The following USP6 variants were observed in gnomAD, a reference collection of about 807,000 sequenced individuals.
The protein encoded by USP6 is ubiquitin specific peptidase 6, also known as ubiquitin carboxyl-terminal hydrolase 6.
Under a neutral mutation model 175.7 loss-of-function variants are expected in USP6, and 128 were observed. The ratio of observed to expected loss-of-function variants is 0.73; its 90% CI spans 0.63 to 0.84. The LOEUF (loss-of-function observed/expected upper bound fraction) is 0.84. Ranked by LOEUF, USP6 falls within the 40% of genes least tolerant of loss-of-function variation. The pLI is 0.00. For missense variants in USP6, 1,498 were observed against 1,760.3 expected (o/e 0.85, Z 2.67); for synonymous variants, 562 against 630.6 (o/e 0.89, Z 1.63).
chr17:5,171,571 C>T lies in USP6; in HGVS notation c.3955-16C>T, dbSNP rs745684827. 3.7e-6 allele frequency: 6 copies of T among 1,613,078 alleles called. No homozygotes were observed. Among genetic ancestry groups the T allele is most frequent in the Non-Finnish European group, 5.1e-6 (6 of 1,179,330 alleles). On this transcript the variant is annotated splice_polypyrimidine_tract_variant and intron_variant, in intron 36 of 37. Coordinates refer to ENST00000574788, the MANE Select transcript of USP6 (RefSeq NM_001304284.2). ...AGTTAACTACTAACATACCTCCACTCTCTTATCTCTTACAGTGCCATTCAG... is the reference window on the plus strand; with the variant it reads ...AGTTAACTACTAACATACCTCCACTTTCTTATCTCTTACAGTGCCATTCAG...
In USP6 at chr17:5,144,782, A is replaced by G; in HGVS notation, c.1911A>G (p.Glu637=). 1 of 1,613,844 alleles carries G rather than the reference A, an allele frequency of 6.2e-7. No individual in the cohort carries two copies. The highest frequency in any genetic ancestry group is 8.5e-7 in the Non-Finnish European group (1 of 1,179,796). Residue 637 remains glutamate, a synonymous_variant, in exon 26 of 38, where the codon GAA becomes GAG. Transcript: ENST00000574788. ...LLAFLLDGLH[E]DLNRVHEKPY... is the part of the protein sequence containing the mutation. ...CTTTTCTCTTGGATGGTCTTCATGA[A>G]GATCTCAACCGAGTCCATGAAAAGC...
At chr17:5,147,963 CT>C in intron 29 of USP6, among the ~76,000 whole-genome samples, 1 of 152,310 alleles carries the variant, frequency 6.6e-6, no homozygotes, top group East Asian at 1.9e-4. Flanking sequence ...TCACTGCAGC[CT>C]CTGCCTTATG....
chr17:5,136,775 C>T (rs749983860), intron 18 of USP6, 41 bp downstream of exon 18: 1 of 1,603,842 alleles, frequency 6.2e-7, no homozygotes, highest in East Asian at 2.2e-5. Context: ...GAGGCCCTGC[C>T]TCCTGTGGGG....
At chr17:5,168,631 T>C in intron 34 of USP6, 136 bp from the exon 35 acceptor site, 1 of 1,311,576 alleles carries the variant, frequency 7.6e-7, no homozygotes, top group Non-Finnish European at 1.0e-6. Context: ...ATTTTTGAAG[T>C]CTTTAAAAAA....
At chr17:5,130,747 G>A in intron 11 of USP6, 63 bp downstream of exon 11, 1 of 1,601,656 alleles carries the variant, frequency 6.2e-7, no homozygotes, top group Non-Finnish European at 8.6e-7. Flanking sequence ...GGATGGGTTT[G>A]CTTTTAGAAA....
At chr17:5,131,745 G>A (rs1260532164) in intron 11 of USP6, among the ~76,000 whole-genome samples, 1 of 151,654 alleles carries the variant, frequency 6.6e-6, no homozygotes, top group Admixed American at 6.6e-5. Context: ...GGTAAGAGGA[G>A]CCCAGCCAGG....
intron 31 of USP6, among the ~76,000 whole-genome samples, chr17:5,155,819 G>A (rs1448780683): frequency 1.3e-5 from 2 of 152,166 alleles, no homozygotes; most frequent in Admixed American, 1.3e-4. Context: ...CATTTGGCTT[G>A]ATATTTGGAG....
At chr17:5,130,544 C>G in intron 10 of USP6, 58 bp from the exon 11 acceptor site, 2 of 1,611,000 alleles carry the variant, frequency 1.2e-6, no homozygotes, top group South Asian at 2.2e-5. Context: ...GGCCAATACC[C>G]CCAGGCCCTT....
chr17:5,145,629 A>G, intron 27 of USP6, 50 bp downstream of exon 27: 1 of 1,518,054 alleles, frequency 6.6e-7, no homozygotes, highest in Non-Finnish European at 8.8e-7. Context: ...AATTTACTTT[A>G]TTTAAATAGC....
chr17:5,135,523 A>G (rs2073225040), intron 16 of USP6, among the ~76,000 whole-genome samples: 1 of 152,180 alleles, frequency 6.6e-6, no homozygotes, highest in Non-Finnish European at 1.5e-5. Context: ...CCTGACCACC[A>G]CTTCTCAGAA....
chr17:5,117,157 A>G (rs980804765), intron 1 of USP6, among the ~76,000 whole-genome samples: 5 of 152,246 alleles, frequency 3.3e-5, no homozygotes, highest in African/African-American at 1.2e-4. Context: ...TATAAGTTCC[A>G]TCAGGCCAGA....
chr17:5,147,050 C>T (rs1478824098), intron 28 of USP6, 33 bp from the exon 29 acceptor site: 1 of 1,576,288 alleles, frequency 6.3e-7, no homozygotes, highest in African/African-American at 1.4e-5. Context: ...TCTGAAACAT[C>T]TCCCCCTTCT....
At position 5,139,274 on chromosome 17, in the gene USP6, C is replaced by T; in HGVS notation, c.1098C>T (p.Ser366=). 1 of 1,603,980 alleles carries T rather than the reference C, an allele frequency of 6.2e-7. No individual in the cohort carries two copies. Among genetic ancestry groups the T allele is most frequent in the Non-Finnish European group, 8.5e-7 (1 of 1,179,994 alleles). Residue 366 remains serine (S), a synonymous_variant, in exon 22 of 38, where the codon TCC becomes TCT. Transcript: ENST00000574788. ...LPPPAKREQG[S]LAPRPVPASR... is the part of the protein sequence containing the mutation. ...TTTCAGCCAAACGCGAGCAAGGGTC[C>T]TTGGCACCCAGGCCTGTGCCGGCTT...
In USP6 at chr17:5,145,499, A is replaced by C; in HGVS notation, c.2087A>C (p.His696Pro). 1.2e-6 allele frequency: 2 copies of C among 1,613,106 alleles called. No homozygotes were observed. The highest frequency in any genetic ancestry group is 1.7e-4 in the Middle Eastern group (1 of 6,052). The change falls in exon 27 of 38, where the codon CAT (histidine) becomes CCT (proline). Residue 696 changes from histidine to proline, a missense_variant. This residue lies in a region of USP6 where 1,217 missense variants were observed against 1,500.8 expected (regional missense o/e 0.81). Transcript: ENST00000574788. ...CAAGTCAAATGCAAGACATGTGGGC[A>C]TATAAGTGTCCGATTTGACCCTTTC... ...RSQVKCKTCG[H>P]ISVRFDPFNF... is the part of the protein sequence containing the mutation.
chr17:5,148,680 C>T lies in USP6; in HGVS notation c.2556C>T (p.Asn852=). Residue 852 remains asparagine, a synonymous_variant, in exon 30 of 38, where the codon AAC becomes AAT. Coordinates refer to ENST00000574788, the MANE Select transcript of USP6 (RefSeq NM_001304284.2). The part of the protein sequence containing the change: ...NTVVPCGTEK[N]FTNGMVNGHM... Reference sequence around the variant, plus strand: ...TTGTGCCATGTGGAACTGAGAAGAACTTCACAAATGGAATGGTTAATGGTC... The same window carrying T: ...TTGTGCCATGTGGAACTGAGAAGAATTTCACAAATGGAATGGTTAATGGTC... 1 of 1,613,906 alleles carries T rather than the reference C, an allele frequency of 6.2e-7. No individual in the cohort carries two copies. Among genetic ancestry groups the T allele is most frequent in the African/African-American group, 1.3e-5 (1 of 75,036 alleles).
chr17:5,170,329 C>G (rs1384423618), intron 35 of USP6, 150 bp from the exon 36 acceptor site: 18 of 1,240,302 alleles, frequency 1.5e-5, no homozygotes, highest in Non-Finnish European at 1.9e-5. Context: ...TTACTGGCTA[C>G]ACAATAGGAA....
chr17:5,161,948 A>T (rs2074012537), intron 32 of USP6, among the ~76,000 whole-genome samples: 1 of 152,068 alleles, frequency 6.6e-6, no homozygotes, highest in Non-Finnish European at 1.5e-5. Flanking sequence ...GGAGGCGGAG[A>T]CTGCAGTGAG....
chr17:5,132,210 C>T lies in USP6; in HGVS notation c.156-186C>T. 6.4e-7 allele frequency: 1 copy of T among 1,555,398 alleles called. No individual in the cohort carries two copies. The highest frequency in any genetic ancestry group is 8.7e-7 in the Non-Finnish European group (1 of 1,149,180). ...GCTGTCCCTGCACTCCTTCTTCTCC[C>T]AGGTCCTGCCCCTCCTGGGAGTCAG... On this transcript the variant is annotated intron_variant, in intron 11 of 37. Coordinates refer to ENST00000574788, the MANE Select transcript of USP6 (RefSeq NM_001304284.2). The surrounding 1 kb of genome is among the most constrained non-coding windows in gnomAD (Gnocchi z 4.7).
chr17:5,144,081 A>G (rs1291011809), intron 25 of USP6, among the ~76,000 whole-genome samples: 3 of 152,156 alleles, frequency 2.0e-5, no homozygotes, highest in Non-Finnish European at 4.4e-5. Flanking sequence ...ATTATTAACT[A>G]TAACAGCTAC....
Sources: allele counts gnomAD v4.1 joint callset (sites outside exome capture counted in the v4.1 genomes callset), GRCh38; gene constraint gnomAD v4.1.1; regional missense constraint gnomAD v4.1.1; non-coding constraint Gnocchi (gnomAD v3.1); transcripts MANE v1.5; gene names NCBI Gene and HGNC (gene_info 2026-07-23, HGNC 2026-07-21).